The following PITPNC1 variants were observed in gnomAD, a reference collection of about 807,000 sequenced individuals.
PITPNC1 encodes the protein cytoplasmic phosphatidylinositol transfer protein 1.
PITPNC1 carries 18 observed loss-of-function variants against 44.7 expected under a neutral mutation model. That is an observed-to-expected ratio of 0.40 (90% CI 0.28 to 0.60). The LOEUF (loss-of-function observed/expected upper bound fraction) is 0.60, where lower values mean the gene tolerates loss of function less well. Among genes scored for constraint, PITPNC1 ranks in the 20% least tolerant of loss-of-function variants. The pLI is 0.39. For missense variants in PITPNC1, 290 were observed against 418.4 expected, an observed-to-expected ratio of 0.69 and a Z score of 2.68; for synonymous variants, 141 against 149.6, an observed-to-expected ratio of 0.94 and a Z score of 0.42.
At chr17:67,416,096 T>G (rs945022271) in intron 1 of PITPNC1, among the ~76,000 whole-genome samples, 1 of 152,022 alleles carries the variant, frequency 6.6e-6, no homozygotes, top group African/African-American at 2.4e-5. Context: ...GACTGGAGTC[T>G]TACGGACCCA....
chr17:67,606,236 C>A (rs1424920408), intron 5 of PITPNC1, among the ~76,000 whole-genome samples: 1 of 152,076 alleles, frequency 6.6e-6, no homozygotes, highest in Non-Finnish European at 1.5e-5. Context: ...AAAAATGGGA[C>A]TGAAAGAAAT....
chr17:67,503,518 CT>C (rs1467768254), intron 1 of PITPNC1, among the ~76,000 whole-genome samples: 1 of 152,046 alleles, frequency 6.6e-6, no homozygotes, highest in Non-Finnish European at 1.5e-5. Flanking sequence ...TGTATTTTCT[CT>C]GTAGGGGACA....
chr17:67,418,117 A>G (rs954710030), intron 1 of PITPNC1, among the ~76,000 whole-genome samples: 1 of 152,204 alleles, frequency 6.6e-6, no homozygotes, highest in African/African-American at 2.4e-5. Flanking sequence ...AAATCCTTTT[A>G]CCAACAGATG....
Position 67,378,145 on chromosome 17 carries a change from C to T in PITPNC1, c.-10C>T, listed in dbSNP as rs2037899801. 2.0e-6 allele frequency: 3 copies of T among 1,535,436 alleles called. No homozygotes were observed. The highest frequency in any genetic ancestry group is 2.6e-6 in the Non-Finnish European group (3 of 1,143,514). ...GCTTCCCGCCCCGGGGGTCCGCGGC[C>T]GGCAGGACCATGCTGCTGAAAGAGT... On this transcript the variant is annotated 5_prime_UTR_variant, in exon 1 of 9. Coordinates refer to ENST00000581322, the MANE Select transcript of PITPNC1 (RefSeq NM_012417.4).
At chr17:67,434,448 C>A (rs559185649) in intron 1 of PITPNC1, among the ~76,000 whole-genome samples, 1 of 152,082 alleles carries the variant, frequency 6.6e-6, no homozygotes. Flanking sequence ...AGGCCCATTA[C>A]ATAACCTTTC....
At chr17:67,493,005 T>C (rs2039884796) in intron 1 of PITPNC1, among the ~76,000 whole-genome samples, 1 of 152,226 alleles carries the variant, frequency 6.6e-6, no homozygotes, top group Non-Finnish European at 1.5e-5. Flanking sequence ...GTGAGTTACA[T>C]TCTCAGGAGC....
intron 1 of PITPNC1, among the ~76,000 whole-genome samples, chr17:67,463,584 C>T (rs953478278): frequency 1.1e-4 from 17 of 152,064 alleles, no homozygotes; most frequent in African/African-American, 4.1e-4. Flanking sequence ...AATGTGAATT[C>T]GGTAGTAAAA....
chr17:67,618,943 C>T (rs556244440), intron 5 of PITPNC1, among the ~76,000 whole-genome samples: 1 of 152,026 alleles, frequency 6.6e-6, no homozygotes, highest in Non-Finnish European at 1.5e-5. Flanking sequence ...CTTGTAGTCC[C>T]AGCTACTCGG....
At chr17:67,684,739 T>G (rs2042781890) in intron 8 of PITPNC1, among the ~76,000 whole-genome samples, 1 of 152,256 alleles carries the variant, frequency 6.6e-6, no homozygotes, top group Admixed American at 6.5e-5. Flanking sequence ...CATAGTGCTA[T>G]CAGTCCCCTG....
chr17:67,605,495 A>G (rs1390013688), intron 5 of PITPNC1, among the ~76,000 whole-genome samples: 1 of 152,182 alleles, frequency 6.6e-6, no homozygotes. Flanking sequence ...CCGGTTTTGC[A>G]TCTTCATCCT....
chr17:67,390,098 T>G (rs7224314), intron 1 of PITPNC1, among the ~76,000 whole-genome samples: 39,224 of 152,004 alleles, frequency 0.26, 5,381 homozygotes, highest in African/African-American at 0.34. Flanking sequence ...GTGAATTCTG[T>G]GTAAATTGAA....
At chr17:67,669,422 C>G in intron 6 of PITPNC1, 86 bp from the exon 7 acceptor site, 1 of 1,012,988 alleles carries the variant, frequency 9.9e-7, no homozygotes, top group Non-Finnish European at 1.4e-6. Flanking sequence ...AGCCCTATTT[C>G]TATGTTATTT....
At chr17:67,414,490 A>G (rs997029524) in intron 1 of PITPNC1, among the ~76,000 whole-genome samples, 3 of 151,780 alleles carry the variant, frequency 2.0e-5, no homozygotes, top group Non-Finnish European at 4.4e-5. Flanking sequence ...CTGGAAAACT[A>G]TACATATGTA....
At chr17:67,656,588 T>G (rs150003757) in intron 6 of PITPNC1, among the ~76,000 whole-genome samples, 1 of 152,290 alleles carries the variant, frequency 6.6e-6, no homozygotes, top group East Asian at 1.9e-4. Context: ...ACAGCAGACA[T>G]CTTGCACTCT....
At chr17:67,553,678 T>A in intron 4 of PITPNC1, 61 bp downstream of exon 4, 1 of 617,872 alleles carries the variant, frequency 1.6e-6, no homozygotes, top group Non-Finnish European at 2.7e-6. Flanking sequence ...AATTGGAATG[T>A]CTCTTGTATT....
chr17:67,645,106 C>A (rs1235419725), intron 6 of PITPNC1, among the ~76,000 whole-genome samples: 1 of 151,988 alleles, frequency 6.6e-6, no homozygotes, highest in Non-Finnish European at 1.5e-5. Flanking sequence ...TTTGGGAGGC[C>A]GAGGCAGGCG....
chr17:67,403,457 T>C (rs1472729883), intron 1 of PITPNC1, among the ~76,000 whole-genome samples: 1 of 152,162 alleles, frequency 6.6e-6, no homozygotes, highest in Non-Finnish European at 1.5e-5. Flanking sequence ...GAAGCCAACT[T>C]TTTTAGTGTA....
intron 1 of PITPNC1, among the ~76,000 whole-genome samples, chr17:67,403,483 A>G (rs1359769531): frequency 6.6e-6 from 1 of 152,210 alleles, no homozygotes; most frequent in Non-Finnish European, 1.5e-5. Flanking sequence ...ATTTAATCAT[A>G]ATTATATATG....
At chr17:67,497,647 C>T (rs940760849) in intron 1 of PITPNC1, among the ~76,000 whole-genome samples, 1 of 148,746 alleles carries the variant, frequency 6.7e-6, no homozygotes, top group Non-Finnish European at 1.5e-5. Flanking sequence ...CCCATCTCAT[C>T]CTCCTGAATA....
Sources: allele counts gnomAD v4.1 joint callset (sites outside exome capture counted in the v4.1 genomes callset), GRCh38; gene constraint gnomAD v4.1.1; transcripts MANE v1.5; gene names NCBI Gene and HGNC (gene_info 2026-07-23, HGNC 2026-07-21).